The following AGK variants were observed in gnomAD, a reference collection of about 807,000 sequenced individuals.
AGK encodes the protein acylglycerol kinase, mitochondrial.
Under a neutral mutation model 66.4 loss-of-function variants are expected in AGK, and 52 were observed. The ratio of observed to expected loss-of-function variants is 0.78; its 90% CI spans 0.63 to 0.99. The LOEUF is 0.99. AGK is among the 50% of genes least tolerant of loss of function. The probability of loss-of-function intolerance (pLI) is 0.00; values close to 1 mark genes in which losing one functional copy is unlikely to be tolerated. For missense variants in AGK, 451 were observed against 506.6 expected (o/e 0.89, Z 1.05); for synonymous variants, 182 against 181.1 (o/e 1.00, Z -0.04).
intron 8 of AGK, among the ~76,000 whole-genome samples, chr7:141,619,171 C>T (rs1562975255): frequency 6.6e-6 from 1 of 151,986 alleles, no homozygotes; most frequent in African/African-American, 2.4e-5. Context: ...TTTCACAAGG[C>T]TTTTTGTAGA....
chr7:141,649,271 A>C lies in AGK; in HGVS notation c.984A>C (p.Glu328Asp), dbSNP rs1395081309. ...GTTCTTAACCTTTTTAGAGCAAAGA[A>C]GATTTTCTGAATATCTGCATTGAAC... ...RNNQLDPTSK[E>D]DFLNICIEPD... Residue 328 changes from glutamate (E) to aspartate (D), a missense_variant, in exon 14 of 16, where the codon GAA (glutamate) becomes GAC (aspartate). Glu to Asp is a conservative substitution (Grantham distance 45, BLOSUM62 2). Transcript: ENST00000649286. The C allele has an allele frequency of 6.2e-7, 1 of 1,613,328 alleles. No homozygotes were observed. The highest frequency in any genetic ancestry group is 1.3e-5 in the African/African-American group (1 of 74,902).
intron 2 of AGK, among the ~76,000 whole-genome samples, chr7:141,578,616 G>A (rs1286963143): frequency 1.3e-5 from 2 of 151,928 alleles, no homozygotes; most frequent in Non-Finnish European, 2.9e-5. Flanking sequence ...TAGGGGCAGT[G>A]TGGGAACCTA....
rs1797621815 is a variant in AGK, at chr7:141,653,755, A to C, written c.*831A>C. The C allele has an allele frequency of 6.6e-6, 1 of 152,190 alleles. No individual in the cohort carries two copies. Among genetic ancestry groups the C allele is most frequent in the South Asian group, 2.1e-4 (1 of 4,828 alleles). The allele number at this position is 152,190 out of a possible 1,614,324, so 9.4% of individuals were successfully genotyped here. On this transcript the variant is annotated 3_prime_UTR_variant, in exon 16 of 16. Coordinates refer to ENST00000649286, the MANE Select transcript of AGK (RefSeq NM_018238.4). ...AAAAGTATTTTGAAAAATCATGTAT[A>C]CCCTCACCCATCTAAGTTGATATCT...
At chr7:141,568,923 T>C (rs1158014634) in intron 2 of AGK, among the ~76,000 whole-genome samples, 2 of 152,144 alleles carry the variant, frequency 1.3e-5, no homozygotes, top group African/African-American at 4.8e-5. Context: ...CTTAGGATCC[T>C]GGTACTTTCC....
At chr7:141,593,968 A>G (rs1440629039) in intron 3 of AGK, 1 of 152,812 alleles carries the variant, frequency 6.5e-6, no homozygotes, top group Non-Finnish European at 1.5e-5. Flanking sequence ...GATACTATAA[A>G]TTAATTCCTC....
intron 9 of AGK, among the ~76,000 whole-genome samples, chr7:141,630,047 A>T (rs1797023512): frequency 6.6e-6 from 1 of 152,240 alleles, no homozygotes; most frequent in Non-Finnish European, 1.5e-5. Context: ...ACTGGCTTCA[A>T]ACCAAGTAAG....
rs141585889 is a variant in AGK at position 141,584,140 on chromosome 7, A to G, written c.102-9006A>G. ...GCAGGTGGGCCGAGTCCGAAAAGAGAGTCAGCGAAGGGAGATAAGGGTGGG... is the reference window on the plus strand; with the variant it reads ...GCAGGTGGGCCGAGTCCGAAAAGAGGGTCAGCGAAGGGAGATAAGGGTGGG... On this transcript the variant is annotated intron_variant, in intron 2 of 15. Transcript: ENST00000649286. Among the ~76,000 whole-genome samples, 784 of 152,140 alleles carry G rather than the reference A, an allele frequency of 5.2e-3. 9 individuals carry two copies. The highest frequency in any genetic ancestry group is 0.018 in the African/African-American group (745 of 41,494).
chr7:141,583,633 A>C (rs1185810364), intron 2 of AGK, among the ~76,000 whole-genome samples: 3 of 151,994 alleles, frequency 2.0e-5, no homozygotes, highest in East Asian at 1.9e-4. Flanking sequence ...TGGTTATCAG[A>C]CACCTCTTAA....
intron 8 of AGK, among the ~76,000 whole-genome samples, chr7:141,620,566 C>CTGGAAACCACTT (rs71172610): frequency 5.9e-5 from 9 of 151,434 alleles, no homozygotes; most frequent in Admixed American, 6.6e-5. Context: ...AAGACACACA[C>CTGGAAACCACTT]TGGAAACCAC....
intron 13 of AGK, among the ~76,000 whole-genome samples, chr7:141,647,914 G>A (rs544808762): frequency 5.9e-5 from 9 of 152,202 alleles, no homozygotes; most frequent in Non-Finnish European, 8.8e-5. Flanking sequence ...CGGCTGATCC[G>A]CCCGCCTCGG....
rs76961877 is a variant in AGK, at chr7:141,566,208, A to G, written c.101+10641A>G. Among the ~76,000 whole-genome samples the G allele has an allele frequency of 1.2e-4, 19 of 152,364 alleles. No homozygotes were observed. In the East Asian group the frequency reaches 2.9e-3, roughly 23 times the overall value. The stretch of plus-strand genomic sequence containing the variant: ...TTCTTTGTCCTCTCTAGTCAGGATT[A>G]GGCAATCATCTTACATTTTCTCCAT... On this transcript the variant is annotated intron_variant, in intron 2 of 15. Coordinates refer to ENST00000649286, the MANE Select transcript of AGK (RefSeq NM_018238.4).
At chr7:141,568,760 G>A (rs1321535755) in intron 2 of AGK, among the ~76,000 whole-genome samples, 1 of 151,808 alleles carries the variant, frequency 6.6e-6, no homozygotes, top group African/African-American at 2.4e-5. Flanking sequence ...ATTTTTAGTA[G>A]AGATGGGGTT....
At chr7:141,606,539 A>T (rs1375943025) in intron 5 of AGK, among the ~76,000 whole-genome samples, 1 of 152,192 alleles carries the variant, frequency 6.6e-6, no homozygotes, top group Non-Finnish European at 1.5e-5. Flanking sequence ...AAGAGAAATC[A>T]CAGAAAACCT....
At chr7:141,651,446 GGAAA>G (rs1301096799) in intron 14 of AGK, 75 bp from the exon 15 acceptor site, 6 of 1,152,320 alleles carry the variant, frequency 5.2e-6, no homozygotes, top group Non-Finnish European at 7.9e-6. Flanking sequence ...ATAAAAAGGG[GGAAA>G]GAAGTTGCTA....
chr7:141,579,855 G>A (rs1324460779), intron 2 of AGK, among the ~76,000 whole-genome samples: 2 of 151,972 alleles, frequency 1.3e-5, no homozygotes, highest in East Asian at 1.9e-4. Context: ...TGTGGGAAGA[G>A]ATTAATAAGT....
In AGK at chr7:141,652,866, T is replaced by G. The variant is rs1325395383; in HGVS notation, c.1211T>G (p.Leu404Arg). 6 of 1,613,920 alleles carry G rather than the reference T, an allele frequency of 3.7e-6. No individual in the cohort carries two copies. The highest frequency in any genetic ancestry group is 5.1e-6 in the Non-Finnish European group (6 of 1,180,004). Residue 404 changes from leucine to arginine, a missense_variant, in exon 16 of 16, where the codon CTG becomes CGG. By Grantham distance (102) the Leu-to-Arg change is moderately radical (BLOSUM62 -2). Coordinates refer to ENST00000649286, the MANE Select transcript of AGK (RefSeq NM_018238.4). Reference protein sequence around the residue: ...PVEVKLLPRKLQFFCDPRKRE... With the variant: ...PVEVKLLPRKRQFFCDPRKRE... ...GAGGTGAAACTGCTCCCCAGGAAGC[T>G]GCAGTTCTTCTGTGATCCTAGGAAG...
chr7:141,586,592 G>A (rs1795999220), intron 2 of AGK, among the ~76,000 whole-genome samples: 1 of 152,160 alleles, frequency 6.6e-6, no homozygotes, highest in Admixed American at 6.5e-5. Flanking sequence ...AATAAGAAAA[G>A]CAGTTTTTGT....
At chr7:141,567,744 C>T (rs1795502715) in intron 2 of AGK, among the ~76,000 whole-genome samples, 1 of 152,222 alleles carries the variant, frequency 6.6e-6, no homozygotes, top group Non-Finnish European at 1.5e-5. Context: ...CAGCAGTTTA[C>T]CTGCAATAGT....
chr7:141,618,752 G>A (rs1227205846), intron 8 of AGK, among the ~76,000 whole-genome samples: 1 of 152,152 alleles, frequency 6.6e-6, no homozygotes. Flanking sequence ...GCACATAGCA[G>A]AATAGATTAG....
Sources: allele counts gnomAD v4.1 joint callset (sites outside exome capture counted in the v4.1 genomes callset), GRCh38; gene constraint gnomAD v4.1.1; transcripts MANE v1.5; gene names NCBI Gene and HGNC (gene_info 2026-07-23, HGNC 2026-07-21).